The following HEPH variants were observed in gnomAD, a reference collection of about 807,000 sequenced individuals.
HEPH encodes hephaestin.
A neutral mutation model predicts 80.8 loss-of-function variants in HEPH; 69 were observed. The ratio of observed to expected loss-of-function variants is 0.85; its 90% CI spans 0.70 to 1.04. The LOEUF (loss-of-function observed/expected upper bound fraction) is 1.04, where lower values mean the gene tolerates loss of function less well. Among genes scored for constraint, HEPH ranks in the 50% least tolerant of loss-of-function variants. HEPH has a pLI of 0.00. For missense variants in HEPH, 1,115 were observed against 891.3 expected, an observed-to-expected ratio of 1.25 and a Z score of -3.20; for synonymous variants, 431 against 322.8, an observed-to-expected ratio of 1.34 and a Z score of -3.60.
At chrX:66,229,761 A>G (rs1264764702) in intron 15 of HEPH, among the ~76,000 whole-genome samples, 2 of 110,615 alleles carry the variant, frequency 1.8e-5, no homozygotes, top group Non-Finnish European at 3.8e-5. Flanking sequence ...TCCAAAGAAA[A>G]TTTACTCTTT....
intron 4 of HEPH, among the ~76,000 whole-genome samples, chrX:66,180,301 G>T (rs1397095070): frequency 3.6e-5 from 4 of 111,092 alleles, no homozygotes; most frequent in Non-Finnish European, 7.5e-5. Flanking sequence ...GTGGTGGCTT[G>T]GTAGTGGCAA....
At chrX:66,249,723 G>T (rs994968850) in intron 15 of HEPH, among the ~76,000 whole-genome samples, 1 of 111,713 alleles carries the variant, frequency 9.0e-6, no homozygotes. Context: ...CACTTAGAGG[G>T]ATTGTTAGAT....
At chrX:66,226,816 C>CA (rs1376611750) in intron 15 of HEPH, among the ~76,000 whole-genome samples, 2 of 111,209 alleles carry the variant, frequency 1.8e-5, no homozygotes, top group Non-Finnish European at 3.8e-5. Flanking sequence ...CCAACAACAA[C>CA]AAAAAACCCA....
intron 15 of HEPH, among the ~76,000 whole-genome samples, chrX:66,234,776 G>T (rs1381274306): frequency 1.8e-5 from 2 of 110,356 alleles, no homozygotes; most frequent in East Asian, 5.7e-4. Context: ...AGCTGGGATT[G>T]CAGGCACATG....
At chrX:66,178,729 T>A (rs1163114608) in intron 4 of HEPH, among the ~76,000 whole-genome samples, 7 of 112,621 alleles carry the variant, frequency 6.2e-5, no homozygotes, top group African/African-American at 2.3e-4. Flanking sequence ...GTCTTTTGGC[T>A]GCATAAATGT....
intron 11 of HEPH, 30 bp downstream of exon 11, chrX:66,199,058 A>C: frequency 8.5e-7 from 1 of 1,181,200 alleles, no homozygotes; most frequent in Non-Finnish European, 1.1e-6. Flanking sequence ...CCTGGGCTAA[A>C]TTGAGGGTCC....
At chrX:66,201,649 C>T (rs919665466) in intron 12 of HEPH, among the ~76,000 whole-genome samples, 1 of 111,503 alleles carries the variant, frequency 9.0e-6, no homozygotes, top group Non-Finnish European at 1.9e-5. Flanking sequence ...TGTTTTACTC[C>T]TGTAAATTTC....
intron 4 of HEPH, among the ~76,000 whole-genome samples, chrX:66,187,031 A>C (rs1475121289): frequency 1.8e-5 from 2 of 110,877 alleles, no homozygotes; most frequent in Non-Finnish European, 3.8e-5. Context: ...GAGACTTTCC[A>C]GAGGATTTTG....
At chrX:66,201,314 C>T (rs1427376187) in intron 12 of HEPH, among the ~76,000 whole-genome samples, 2 of 110,363 alleles carry the variant, frequency 1.8e-5, no homozygotes, top group African/African-American at 6.6e-5. Context: ...AGTTCAGGCT[C>T]TTTCATTAAC....
intron 2 of HEPH, among the ~76,000 whole-genome samples, chrX:66,172,034 G>A (rs1281578336): frequency 8.9e-6 from 1 of 112,125 alleles, no homozygotes; most frequent in Non-Finnish European, 1.9e-5. Context: ...GCTAAGTCAG[G>A]CTACATTGAC....
chrX:66,215,973 G>T (rs2147899657), intron 15 of HEPH, among the ~76,000 whole-genome samples: 1 of 111,845 alleles, frequency 8.9e-6, no homozygotes, highest in Admixed American at 9.4e-5. Flanking sequence ...CCTGTGTGAT[G>T]CAGCAGAGGC....
chrX:66,181,941 A>G (rs1205356506), intron 4 of HEPH, among the ~76,000 whole-genome samples: 1 of 110,590 alleles, frequency 9.0e-6, no homozygotes, highest in Non-Finnish European at 1.9e-5. Context: ...TCACAGCACC[A>G]TTTATTAAAT....
chrX:66,234,961 T>A (rs1382911814), intron 15 of HEPH, among the ~76,000 whole-genome samples: 1 of 111,066 alleles, frequency 9.0e-6, no homozygotes, highest in Non-Finnish European at 1.9e-5. Context: ...TGAGCAGTTT[T>A]TTTTTTCCTA....
rs771148727 is a variant in HEPH, at chrX:66,189,652, T to A, written c.809-32T>A. ...CTTCCATTTGGCTGTCCTTTCCTAA[T>A]CCTGATATTTTCTTTGGGTTTTCTT... On this transcript the variant is annotated intron_variant, in intron 5 of 20. Transcript: ENST00000343002. 5 of 1,197,533 alleles carry A rather than the reference T, an allele frequency of 4.2e-6. No homozygotes were observed. The South Asian group carries it at 9.1e-5, about 22-fold the overall frequency.
chrX:66,266,006 CA>C (rs1417671324), intron 20 of HEPH, among the ~76,000 whole-genome samples: 1 of 111,946 alleles, frequency 8.9e-6, no homozygotes, highest in Admixed American at 9.4e-5. Flanking sequence ...AGGTTCTTGT[CA>C]TGGTTTAATT....
At chrX:66,246,066 G>A (rs753128968) in intron 15 of HEPH, among the ~76,000 whole-genome samples, 19 of 111,885 alleles carry the variant, frequency 1.7e-4, no homozygotes, top group Non-Finnish European at 2.1e-4. Flanking sequence ...GGTTGTGCCT[G>A]CCCACAGAGT....
At chrX:66,212,413 C>T (rs1026746198) in intron 15 of HEPH, among the ~76,000 whole-genome samples, 1 of 111,166 alleles carries the variant, frequency 9.0e-6, no homozygotes, top group Non-Finnish European at 1.9e-5. Flanking sequence ...TTTGCCTCAA[C>T]CAATGTTCAG....
At chrX:66,202,714 A>G (rs778602867) in intron 12 of HEPH, among the ~76,000 whole-genome samples, 1 of 110,290 alleles carries the variant, frequency 9.1e-6, no homozygotes, top group South Asian at 3.8e-4. Flanking sequence ...TTTTCTTGGA[A>G]TAAGAATTAT....
chrX:66,251,574 T>A (rs2091007365), intron 15 of HEPH, among the ~76,000 whole-genome samples: 1 of 111,980 alleles, frequency 8.9e-6, no homozygotes, highest in South Asian at 3.7e-4. Context: ...AATTTAAGAG[T>A]TCTTTATGTA....
Sources: gnomAD v4.1 joint callset for allele counts (sites outside exome capture counted in the v4.1 genomes callset) on GRCh38, gnomAD v4.1.1 for gene constraint, MANE v1.5 for transcripts, NCBI Gene and HGNC (gene_info 2026-07-23, HGNC 2026-07-21) for gene names.